Variants in VTA1 observed in about 807,000 individuals in gnomAD.
VTA1 encodes the protein vacuolar protein sorting-associated protein VTA1 homolog.
Under a neutral mutation model 36.9 loss-of-function variants are expected in VTA1, and 24 were observed. The observed-to-expected ratio is 0.65, with a 90% CI of 0.47 to 0.91. VTA1 has a LOEUF of 0.91. VTA1 is among the 40% of genes least tolerant of loss of function. The pLI is 0.00. For synonymous variants in VTA1, 142 were observed against 130.2 expected, an observed-to-expected ratio of 1.09 and a Z score of -0.62; for missense variants, 393 against 377.2, an observed-to-expected ratio of 1.04 and a Z score of -0.35.
Position 142,218,562 on chromosome 6 carries a change from T to C in VTA1, c.843T>C (p.Ser281=). 1 of 1,613,790 alleles carries C rather than the reference T, an allele frequency of 6.2e-7. No homozygotes were observed. The highest frequency in any genetic ancestry group is 8.5e-7 in the Non-Finnish European group (1 of 1,179,798). The change falls in exon 8 of 8, where the codon AGT becomes AGC. Residue 281 remains serine, a synonymous_variant. Coordinates refer to ENST00000367630, the MANE Select transcript of VTA1 (RefSeq NM_016485.5). ...RAQKYCKYAG[S]ALQYEDVSTA... ...AGAAGTACTGCAAATATGCTGGCAG[T>C]GCTTTGCAGTATGAAGATGTAAGCA...
chr6:142,159,485 T>TATG (rs1774741940), intron 1 of VTA1, among the ~76,000 whole-genome samples: 1 of 80,520 alleles, frequency 1.2e-5, no homozygotes, highest in Non-Finnish European at 2.4e-5. Context: ...CAGGTATTAT[T>TATG]ATTATTATTA....
chr6:142,163,878 A>G (rs1398819050), intron 1 of VTA1, among the ~76,000 whole-genome samples: 1 of 152,168 alleles, frequency 6.6e-6, no homozygotes. Context: ...TTACATATTG[A>G]TGTACTAATA....
Position 142,218,804 on chromosome 6 carries a change from C to A in VTA1, c.*161C>A. The stretch of plus-strand genomic sequence containing the variant: ...AGATTTTTATTGAAGCATTCATCAG[C>A]AGCCTCAACCAGTTTTCATTGTCCA... On this transcript the variant is annotated 3_prime_UTR_variant, in exon 8 of 8. Coordinates refer to ENST00000367630, the MANE Select transcript of VTA1 (RefSeq NM_016485.5). 1 of 762,274 alleles carries A rather than the reference C, an allele frequency of 1.3e-6. No individual in the cohort carries two copies. The highest frequency in any genetic ancestry group is 1.9e-6 in the Non-Finnish European group (1 of 515,088). 47.2% of individuals were successfully genotyped at this position (762,274 alleles called of 1,614,324 possible). A position where few individuals can be genotyped will look rare whatever the true frequency, so the allele number is the denominator to read the frequency against.
rs1775004673 is a variant in VTA1, at chr6:142,170,355, C to T, written c.345C>T (p.Ile115=). The part of the protein sequence containing the change: ...DRAGRFHKNM[I]KSFYTASLLI... ...CTCTTTTCTCTTCCAGAAACATGAT[C>T]AAGTCCTTCTATACTGCAAGTCTTT... is the stretch of plus-strand genomic sequence containing the variant. The change falls in exon 4 of 8, where the codon ATC becomes ATT. Residue 115 remains isoleucine (I), a synonymous_variant. Transcript: ENST00000367630. 2 of 1,605,902 alleles carry T rather than the reference C, an allele frequency of 1.2e-6. No individual in the cohort carries two copies. The highest frequency in any genetic ancestry group is 1.7e-6 in the Non-Finnish European group (2 of 1,175,860).
intron 2 of VTA1, 82 bp downstream of exon 2, chr6:142,166,404 A>C (rs577003174): frequency 2.9e-6 from 3 of 1,021,656 alleles, no homozygotes; most frequent in East Asian, 2.5e-5. Flanking sequence ...TTGTCATTTT[A>C]GTTCTTTCCC....
intron 4 of VTA1, among the ~76,000 whole-genome samples, chr6:142,185,610 AT>A (rs1775324316): frequency 6.6e-6 from 1 of 152,246 alleles, no homozygotes; most frequent in Admixed American, 6.5e-5. Flanking sequence ...AAAATTAAAA[AT>A]AATCTGGAAA....
chr6:142,180,775 G>A (rs1162148642), intron 4 of VTA1, among the ~76,000 whole-genome samples: 1 of 151,904 alleles, frequency 6.6e-6, no homozygotes, highest in African/African-American at 2.4e-5. Flanking sequence ...TTCCAAAAAC[G>A]TATAACCCGA....
At chr6:142,215,106 A>G (rs891906303) in intron 7 of VTA1, among the ~76,000 whole-genome samples, 1 of 152,140 alleles carries the variant, frequency 6.6e-6, no homozygotes, top group African/African-American at 2.4e-5. Context: ...ACATCTCTGA[A>G]TAGTATTAGA....
intron 1 of VTA1, among the ~76,000 whole-genome samples, chr6:142,147,646 C>T (rs9496284): frequency 2.1e-4 from 32 of 152,338 alleles, no homozygotes; most frequent in African/African-American, 7.5e-4. Context: ...GGCTCTTGAA[C>T]TGTGGAATAT....
chr6:142,169,830 A>G (rs762554098), intron 3 of VTA1, among the ~76,000 whole-genome samples, 153 bp downstream of exon 3: 2 of 152,172 alleles, frequency 1.3e-5, no homozygotes, highest in South Asian at 2.1e-4. Context: ...TTAGATTACA[A>G]ATTCGGGCCT....
In VTA1 at chr6:142,218,556, T is replaced by C. The variant is rs1243750554; in HGVS notation, c.837T>C (p.Ala279=). The C allele has an allele frequency of 1.9e-6, 3 of 1,613,646 alleles. No homozygotes were observed. Among genetic ancestry groups the C allele is most frequent in the East Asian group, 2.2e-5 (1 of 44,872 alleles). ...GAGCTCAGAAGTACTGCAAATATGC[T>C]GGCAGTGCTTTGCAGTATGAAGATG... The part of the protein sequence containing the change: ...FARAQKYCKY[A]GSALQYEDVS... Residue 279 remains alanine, a synonymous_variant, in exon 8 of 8, where the codon GCT becomes GCC. Transcript: ENST00000367630.
At chr6:142,174,991 C>T (rs1361927880) in intron 4 of VTA1, among the ~76,000 whole-genome samples, 1 of 152,102 alleles carries the variant, frequency 6.6e-6, no homozygotes, top group Admixed American at 6.5e-5. Flanking sequence ...TATAAATTAG[C>T]CAACATCAGG....
At chr6:142,149,457 C>G (rs1265464944) in intron 1 of VTA1, among the ~76,000 whole-genome samples, 1 of 152,162 alleles carries the variant, frequency 6.6e-6, no homozygotes, top group Non-Finnish European at 1.5e-5. Flanking sequence ...GGTGGTGTCT[C>G]ATTGGAGCGA....
intron 4 of VTA1, among the ~76,000 whole-genome samples, chr6:142,185,355 A>G (rs556597219): frequency 6.6e-6 from 1 of 152,268 alleles, no homozygotes; most frequent in South Asian, 2.1e-4. Flanking sequence ...GCAAACTTTT[A>G]CAGAGCCTAA....
At chr6:142,209,463 TATAAA>T (rs1406064622) in intron 7 of VTA1, among the ~76,000 whole-genome samples, 1 of 147,274 alleles carries the variant, frequency 6.8e-6, no homozygotes, top group African/African-American at 2.5e-5. Context: ...TACAAAAAAA[TATAAA>T]ATACCTGGGA....
Position 142,219,964 on chromosome 6 carries a change from C to T in VTA1, c.*1321C>T, listed in dbSNP as rs1002230620. 2 of 152,106 alleles carry T rather than the reference C, an allele frequency of 1.3e-5. No homozygotes were observed. Among genetic ancestry groups the T allele is most frequent in the African/African-American group, 4.8e-5 (2 of 41,418 alleles). The allele number at this position is 152,106 out of a possible 1,614,324, so 9.4% of individuals were successfully genotyped here. A position where few individuals can be genotyped will look rare whatever the true frequency, so the allele number is the denominator to read the frequency against. On this transcript the variant is annotated 3_prime_UTR_variant, in exon 8 of 8. Transcript: ENST00000367630. ...GTCTAAAAACATTTACTATTTGGCC[C>T]TCTAAGAAAAAGTTAAGACACCTAG...
chr6:142,188,907 G>A (rs1327712884), intron 4 of VTA1, among the ~76,000 whole-genome samples: 1 of 152,164 alleles, frequency 6.6e-6, no homozygotes, highest in African/African-American at 2.4e-5. Flanking sequence ...GGGTAACTGA[G>A]GTTCAGAGCT....
intron 1 of VTA1, among the ~76,000 whole-genome samples, chr6:142,154,993 TG>T (rs139305480): frequency 0.013 from 2,005 of 152,222 alleles, 55 homozygotes; most frequent in African/African-American, 0.045. Context: ...AGCAGAACTT[TG>T]TGCTTTTTTA....
chr6:142,215,804 G>A (rs1775994716), intron 7 of VTA1, among the ~76,000 whole-genome samples: 1 of 152,180 alleles, frequency 6.6e-6, no homozygotes, highest in South Asian at 2.1e-4. Context: ...GGATGCTTAT[G>A]TCAACTGAGC....
Sources: allele counts gnomAD v4.1 joint callset (sites outside exome capture counted in the v4.1 genomes callset), GRCh38; gene constraint gnomAD v4.1.1; transcripts MANE v1.5; gene names NCBI Gene and HGNC (gene_info 2026-07-23, HGNC 2026-07-21).